The following WDFY3 variants were observed in gnomAD, a reference collection of about 807,000 sequenced individuals.
WDFY3 encodes WD repeat and FYVE domain containing 3.
WDFY3 carries 66 observed loss-of-function variants against 409.6 expected under a neutral mutation model. That is an observed-to-expected ratio of 0.16 (90% CI 0.13 to 0.20). The LOEUF is 0.20. Among genes scored for constraint, WDFY3 ranks in the 10% least tolerant of loss-of-function variants. The pLI is 1.00. For synonymous variants in WDFY3, 1,521 were observed against 1,537.1 expected (o/e 0.99, Z 0.25); for missense variants, 3,031 against 4,298.1 (o/e 0.71, Z 8.24).
chr4:84,863,258 C>T (rs536573826), intron 3 of WDFY3, among the ~76,000 whole-genome samples: 90 of 152,274 alleles, frequency 5.9e-4, no homozygotes, highest in African/African-American at 2.1e-3. Context: ...ACTGCTGTAT[C>T]ATAAAGATAA....
chr4:84,721,314 T>C (rs940926675), intron 47 of WDFY3, 95 bp downstream of exon 47: 5 of 1,492,874 alleles, frequency 3.3e-6, no homozygotes, highest in African/African-American at 2.8e-5. Context: ...CCGAGGCTAA[T>C]GCATTTACTT....
Position 84,766,375 on chromosome 4 carries a change from A to G in WDFY3, c.4850-3T>C. 1 of 1,579,270 alleles carries G rather than the reference A, an allele frequency of 6.3e-7. No homozygotes were observed. The highest frequency in any genetic ancestry group is 1.7e-4 in the Middle Eastern group (1 of 5,982). ...ACCTCCAAACTCCTCTTCAGTTCCT[A>G]AAATAAAAATAAATACATTAAATCT... On this transcript the variant is annotated splice_region_variant and splice_polypyrimidine_tract_variant and intron_variant, in intron 30 of 67. Coordinates refer to ENST00000295888, the MANE Select transcript of WDFY3 (RefSeq NM_014991.6).
In WDFY3 at chr4:84,798,143, T is replaced by A. The variant is rs560414397; in HGVS notation, c.2823-35A>T. On this transcript the variant is annotated intron_variant, in intron 17 of 67. Transcript: ENST00000295888. Reference sequence around the variant, plus strand: ...AGACAAAGCAAAGTTATTCCTTGATTGAGATTATTATATAATTCATTAACC... The same window carrying A: ...AGACAAAGCAAAGTTATTCCTTGATAGAGATTATTATATAATTCATTAACC... 13 of 1,514,678 alleles carry A rather than the reference T, an allele frequency of 8.6e-6. No homozygotes were observed. The South Asian group carries it at 1.4e-4, about 17-fold the overall frequency. 93.8% of individuals were successfully genotyped at this position (1,514,678 alleles called of 1,614,324 possible).
At chr4:84,882,287 T>C (rs187685475) in intron 3 of WDFY3, among the ~76,000 whole-genome samples, 1 of 152,254 alleles carries the variant, frequency 6.6e-6, no homozygotes, top group East Asian at 1.9e-4. Context: ...TTATGGAGAG[T>C]ATCTCCAATA....
intron 10 of WDFY3, 139 bp downstream of exon 10, chr4:84,826,676 T>TAA: frequency 1.3e-4 from 90 of 691,468 alleles, no homozygotes; most frequent in Middle Eastern, 4.8e-4. Flanking sequence ...CTTAAACCAT[T>TAA]AAAAAAAAAA....
intron 33 of WDFY3, among the ~76,000 whole-genome samples, chr4:84,755,849 A>G (rs1444356797): frequency 6.6e-6 from 1 of 152,222 alleles, no homozygotes; most frequent in Non-Finnish European, 1.5e-5. Flanking sequence ...AGACTTATTA[A>G]TAGCAGTTTT....
At chr4:84,680,958 A>G (rs1727246408) in intron 64 of WDFY3, among the ~76,000 whole-genome samples, 1 of 152,194 alleles carries the variant, frequency 6.6e-6, no homozygotes, top group Non-Finnish European at 1.5e-5. Flanking sequence ...AGCAAGACAA[A>G]TACTTTATTT....
chr4:84,737,105 G>A, intron 41 of WDFY3, 79 bp downstream of exon 41: 4 of 1,463,166 alleles, frequency 2.7e-6, no homozygotes, highest in Non-Finnish European at 3.8e-6. Flanking sequence ...TGTGAATGCT[G>A]TAGTCACATA....
chr4:84,797,309 TA>T (rs1749629413), intron 18 of WDFY3, among the ~76,000 whole-genome samples: 1 of 152,082 alleles, frequency 6.6e-6, no homozygotes, highest in Non-Finnish European at 1.5e-5. Context: ...CCCATATTTA[TA>T]AAAAGGGTAA....
chr4:84,890,336 G>C lies in WDFY3; in HGVS notation c.-32+6575C>G, dbSNP rs1457482840. Among the ~76,000 whole-genome samples the C allele has an allele frequency of 2.0e-5, 3 of 152,186 alleles. No homozygotes were observed. The East Asian group carries it at 5.8e-4, about 29-fold the overall frequency. ...GCTGGTCTTGAACTCCTGAGCTCAA[G>C]ATATCCACCTGCCTTGGCCTCCCAA... is the stretch of plus-strand genomic sequence containing the variant. On this transcript the variant is annotated intron_variant, in intron 3 of 67. Coordinates refer to ENST00000295888, the MANE Select transcript of WDFY3 (RefSeq NM_014991.6).
At chr4:84,823,854 T>C (rs956344100) in intron 10 of WDFY3, among the ~76,000 whole-genome samples, 6 of 152,176 alleles carry the variant, frequency 3.9e-5, no homozygotes, top group Non-Finnish European at 5.9e-5. Context: ...CTTTAGAAGA[T>C]ACTCTGGCAG....
At chr4:84,963,130 A>C (rs537482077) in intron 1 of WDFY3, among the ~76,000 whole-genome samples, 92 of 151,462 alleles carry the variant, frequency 6.1e-4, no homozygotes, top group African/African-American at 2.1e-3. Context: ...AAAAAAACAA[A>C]AAAAAAAAAA....
intron 17 of WDFY3, among the ~76,000 whole-genome samples, chr4:84,799,660 C>T (rs1750149401): frequency 6.6e-6 from 1 of 152,016 alleles, no homozygotes; most frequent in African/African-American, 2.4e-5. Flanking sequence ...ATAAACCCTC[C>T]ATAACCTGTC....
intron 1 of WDFY3, among the ~76,000 whole-genome samples, chr4:84,932,645 C>T (rs974118137): frequency 1.3e-5 from 2 of 152,148 alleles, no homozygotes; most frequent in Non-Finnish European, 2.9e-5. Context: ...TCAATGACAA[C>T]ACAGCTACTT....
intron 10 of WDFY3, among the ~76,000 whole-genome samples, chr4:84,823,593 T>G (rs138797969): frequency 1.3e-5 from 2 of 152,014 alleles, no homozygotes; most frequent in African/African-American, 4.8e-5. Flanking sequence ...ATAACTCCAG[T>G]AAAACAACCC....
chr4:84,793,741 A>G (rs796160971), intron 21 of WDFY3, among the ~76,000 whole-genome samples: 5 of 152,354 alleles, frequency 3.3e-5, no homozygotes, highest in African/African-American at 1.2e-4. Context: ...AACTATATTG[A>G]TGCCTAGCTC....
At chr4:84,815,652 C>G (rs746342443) in intron 13 of WDFY3, among the ~76,000 whole-genome samples, 2 of 152,058 alleles carry the variant, frequency 1.3e-5, no homozygotes, top group Non-Finnish European at 2.9e-5. Context: ...CTGATGTTTT[C>G]TAATAATCAG....
At chr4:84,773,580 T>C (rs1306178597) in intron 29 of WDFY3, among the ~76,000 whole-genome samples, 1 of 152,226 alleles carries the variant, frequency 6.6e-6, no homozygotes, top group African/African-American at 2.4e-5. Context: ...CAAAAACTTT[T>C]ACAGGTTTAG....
chr4:84,937,854 T>C (rs1457997282), intron 1 of WDFY3, among the ~76,000 whole-genome samples: 4 of 152,168 alleles, frequency 2.6e-5, no homozygotes, highest in African/African-American at 9.7e-5. Flanking sequence ...CCTATATGCT[T>C]TTCCAAGAGA....
Sources: gnomAD v4.1 joint callset for allele counts (sites outside exome capture counted in the v4.1 genomes callset) on GRCh38, gnomAD v4.1.1 for gene constraint, MANE v1.5 for transcripts, NCBI Gene and HGNC (gene_info 2026-07-23, HGNC 2026-07-21) for gene names.